Variants in SLC18A2 observed in about 807,000 individuals in gnomAD.
SLC18A2 encodes synaptic vesicular amine transporter.
SLC18A2 carries 33 observed loss-of-function variants against 59.2 expected under a neutral mutation model. The ratio of observed to expected loss-of-function variants is 0.56; its 90% CI spans 0.42 to 0.75. The LOEUF (loss-of-function observed/expected upper bound fraction) is 0.75, where lower values mean the gene tolerates loss of function less well. Ranked by LOEUF, SLC18A2 falls within the 30% of genes least tolerant of loss-of-function variation. The probability of loss-of-function intolerance (pLI) is 0.00; values close to 1 mark genes in which losing one functional copy is unlikely to be tolerated. For missense variants in SLC18A2, 569 were observed against 668.6 expected (o/e 0.85, Z 1.64); for synonymous variants, 228 against 253.5 (o/e 0.90, Z 0.95).
intron 15 of SLC18A2, among the ~76,000 whole-genome samples, chr10:117,274,014 G>C (rs1289631061): frequency 6.6e-6 from 1 of 152,184 alleles, no homozygotes; most frequent in African/African-American, 2.4e-5. Context: ...ACAGCAGTGT[G>C]TGGAGAGCAG....
At chr10:117,256,134 C>T (rs1032346188) in intron 9 of SLC18A2, among the ~76,000 whole-genome samples, 1 of 152,208 alleles carries the variant, frequency 6.6e-6, no homozygotes, top group Non-Finnish European at 1.5e-5. Context: ...TTGCAGAGAG[C>T]ATCCCTGCCG....
chr10:117,244,834 C>T (rs1450408353), intron 3 of SLC18A2, among the ~76,000 whole-genome samples: 1 of 152,184 alleles, frequency 6.6e-6, no homozygotes. Flanking sequence ...GATGGAGCTC[C>T]GAGTTGATGC....
intron 10 of SLC18A2, among the ~76,000 whole-genome samples, chr10:117,263,062 C>T (rs363224): frequency 6.6e-6 from 1 of 152,012 alleles, no homozygotes; most frequent in African/African-American, 2.4e-5. Context: ...TCACTCAACC[C>T]GCTTGCTGCA....
intron 15 of SLC18A2, among the ~76,000 whole-genome samples, chr10:117,272,221 T>A (rs1844435871): frequency 6.6e-6 from 1 of 152,158 alleles, no homozygotes; most frequent in Non-Finnish European, 1.5e-5. Context: ...CCCCACTCTT[T>A]CCTGCTTATC....
At chr10:117,258,086 G>T (rs899544723) in intron 10 of SLC18A2, among the ~76,000 whole-genome samples, 194 bp downstream of exon 10, 5 of 152,192 alleles carry the variant, frequency 3.3e-5, no homozygotes, top group Non-Finnish European at 7.3e-5. Flanking sequence ...TCCCTGAGGG[G>T]TGCAGAACTC....
intron 5 of SLC18A2, 28 bp downstream of exon 5, chr10:117,254,159 G>T (rs770823814): frequency 1.2e-6 from 2 of 1,606,814 alleles, no homozygotes; most frequent in Non-Finnish European, 1.7e-6. Flanking sequence ...GAGTGAGTTC[G>T]TGAGGGGCCC....
At chr10:117,253,772 G>C (rs981572670) in intron 4 of SLC18A2, among the ~76,000 whole-genome samples, 6 of 152,176 alleles carry the variant, frequency 3.9e-5, no homozygotes, top group Admixed American at 6.5e-5. Flanking sequence ...CTTGAACCTG[G>C]AAGACGGAGG....
chr10:117,244,372 CT>C, intron 3 of SLC18A2, 59 bp downstream of exon 3: 1 of 1,429,856 alleles, frequency 7.0e-7, no homozygotes, highest in Non-Finnish European at 9.5e-7. Flanking sequence ...AGCTTATGTC[CT>C]TCCTGGAATT....
At chr10:117,245,233 A>G (rs888847296) in intron 3 of SLC18A2, among the ~76,000 whole-genome samples, 12 of 152,308 alleles carry the variant, frequency 7.9e-5, no homozygotes, top group Middle Eastern at 3.4e-3. Context: ...AAAGTTACAA[A>G]ACACCAGAAA....
intron 12 of SLC18A2, chr10:117,267,257 C>G: frequency 5.5e-6 from 3 of 548,696 alleles, no homozygotes; most frequent in Non-Finnish European, 9.5e-6. Flanking sequence ...TTTTATTTCA[C>G]AGTTTAACTT....
rs1223876331 is a variant in SLC18A2, at chr10:117,269,610, C to G, written c.1187-461C>G. 6.6e-6 allele frequency among the ~76,000 whole-genome samples: 1 copy of G among 152,144 alleles called. No individual in the cohort carries two copies. Among genetic ancestry groups the G allele is most frequent in the Non-Finnish European group, 1.5e-5 (1 of 68,042 alleles). ...TCCTCATCTATAAAATGGGGATGCT[C>G]ATGATTGGCTGCTGTGAGCCAGTGT... On this transcript the variant is annotated intron_variant, in intron 13 of 15. Transcript: ENST00000644641. This position sits in a 1 kb window ranked among gnomAD's most constrained non-coding sequence, Gnocchi z 5.1.
chr10:117,260,994 T>C (rs1414721681), intron 10 of SLC18A2, among the ~76,000 whole-genome samples: 1 of 152,150 alleles, frequency 6.6e-6, no homozygotes, highest in Non-Finnish European at 1.5e-5. Flanking sequence ...GCTTTGCTAG[T>C]TTTAAGGTGG....
chr10:117,243,344 T>C, intron 2 of SLC18A2, among the ~76,000 whole-genome samples: 1 of 152,196 alleles, frequency 6.6e-6, no homozygotes, highest in East Asian at 1.9e-4. Flanking sequence ...GAAGGAACAA[T>C]GTGGAAGAAA....
rs781684909 is a variant in SLC18A2, at chr10:117,270,175, A to G, written c.1291A>G (p.Met431Val). The G allele has an allele frequency of 6.8e-6, 11 of 1,614,108 alleles. No individual in the cohort carries two copies. The highest frequency in any genetic ancestry group is 8.5e-7 in the Non-Finnish European group (1 of 1,180,040). ...CGCCATTGCGGATGTGGCATTTTGT[A>G]TGGGGTATGCTATAGGTAAGGACAT... ...VYAIADVAFC[M>V]GYAIGPSAGG... Residue 431 changes from methionine to valine, a missense_variant, in exon 14 of 16, where the codon ATG becomes GTG. This residue lies in a region of SLC18A2 where 192 missense variants were observed against 278.8 expected (regional missense o/e 0.69). Transcript: ENST00000644641.
chr10:117,275,605 A>C (rs964245560), intron 15 of SLC18A2, among the ~76,000 whole-genome samples: 6 of 152,068 alleles, frequency 3.9e-5, no homozygotes, highest in Non-Finnish European at 8.8e-5. Flanking sequence ...GCCCCATCCT[A>C]GCTGTACACC....
intron 10 of SLC18A2, among the ~76,000 whole-genome samples, chr10:117,259,786 T>G (rs1844273644): frequency 1.3e-5 from 2 of 152,336 alleles, no homozygotes; most frequent in African/African-American, 4.8e-5. Flanking sequence ...AAAGTCCATG[T>G]TGATGATTTG....
Position 117,269,943 on chromosome 10 carries a change from CT to C in SLC18A2, c.1187-126del. The C allele has an allele frequency of 9.1e-7, 1 of 1,102,272 alleles. No individual in the cohort carries two copies. The highest frequency in any genetic ancestry group is 2.5e-5 in the East Asian group (1 of 40,464). 68.3% of individuals were successfully genotyped at this position (1,102,272 alleles called of 1,614,324 possible). On this transcript the variant is annotated intron_variant, in intron 13 of 15. Coordinates refer to ENST00000644641, the MANE Select transcript of SLC18A2 (RefSeq NM_003054.6). The surrounding 1 kb of genome is among the most constrained non-coding windows in gnomAD (Gnocchi z 5.1). Reference sequence around the variant, plus strand: ...CTCAAAGATTAGTATCACCCCAAGACTTGCAGGTGGTGATGACAGAAGGGGA... The same window carrying C: ...CTCAAAGATTAGTATCACCCCAAGACTGCAGGTGGTGATGACAGAAGGGGA...
intron 15 of SLC18A2, among the ~76,000 whole-genome samples, chr10:117,274,975 CTG>C (rs1006197878): frequency 6.6e-5 from 10 of 152,202 alleles, no homozygotes; most frequent in African/African-American, 1.7e-4. Context: ...AAAGTTGACA[CTG>C]TTGTCACATG....
intron 5 of SLC18A2, 122 bp from the exon 6 acceptor site, chr10:117,254,282 AT>A: frequency 8.6e-7 from 1 of 1,166,868 alleles, no homozygotes; most frequent in Non-Finnish European, 1.2e-6. Context: ...TTGGTCTTAC[AT>A]TTTAGTGAAT....
Sources: gnomAD v4.1 joint callset for allele counts (sites outside exome capture counted in the v4.1 genomes callset) on GRCh38, gnomAD v4.1.1 for gene constraint, gnomAD v4.1.1 regional missense constraint, Gnocchi (gnomAD v3.1) non-coding constraint, MANE v1.5 for transcripts, NCBI Gene and HGNC (gene_info 2026-07-23, HGNC 2026-07-21) for gene names.